Variants in DOCK8 observed in about 807,000 individuals in gnomAD.
DOCK8 encodes dedicator of cytokinesis protein 8.
In DOCK8, 141 loss-of-function variants were observed where a neutral mutation model predicts 245.6. The observed-to-expected ratio is 0.57, with a 90% CI of 0.50 to 0.66. The LOEUF is 0.66. Ranked by LOEUF, DOCK8 falls within the 30% of genes least tolerant of loss-of-function variation. The pLI, the probability that DOCK8 is intolerant of heterozygous loss-of-function variation, is 0.00. For missense variants in DOCK8, 2,965 were observed against 2,603.4 expected, an observed-to-expected ratio of 1.14 and a Z score of -3.02; for synonymous variants, 1,168 against 970.2, an observed-to-expected ratio of 1.20 and a Z score of -3.79.
chr9:249,431 C>A (rs1415558971), intron 1 of DOCK8, among the ~76,000 whole-genome samples: 1 of 152,130 alleles, frequency 6.6e-6, no homozygotes, highest in Non-Finnish European at 1.5e-5. Flanking sequence ...AATACATTTT[C>A]TTTCAAAAGT....
Position 271,620 on chromosome 9 carries a change from A to C in DOCK8, c.54-7A>C. The C allele has an allele frequency of 6.5e-7, 1 of 1,530,430 alleles. No individual in the cohort carries two copies. Among genetic ancestry groups the C allele is most frequent in the Non-Finnish European group, 8.9e-7 (1 of 1,128,124 alleles). 94.8% of individuals were successfully genotyped at this position (1,530,430 alleles called of 1,614,324 possible). ...ATTTCATTTAGATTTTTCTATTTTA[A>C]TCCAAGGTATTCTTCAGCGGAAATA... is the stretch of plus-strand genomic sequence containing the variant. On this transcript the variant is annotated splice_region_variant and splice_polypyrimidine_tract_variant and intron_variant, in intron 1 of 47. Coordinates refer to ENST00000432829, the MANE Select transcript of DOCK8 (RefSeq NM_203447.4).
intron 14 of DOCK8, among the ~76,000 whole-genome samples, chr9:358,436 T>C (rs906631675): frequency 1.3e-5 from 2 of 152,220 alleles, no homozygotes; most frequent in African/African-American, 4.8e-5. Flanking sequence ...ATAGAGGTTA[T>C]ATAACAAGGT....
Position 429,767 on chromosome 9 carries a change from C to A in DOCK8, c.4539C>A (p.His1513Gln), listed in dbSNP as rs147785575. The change falls in exon 36 of 48, where the codon CAC (histidine) becomes CAA (glutamine). Residue 1513 changes from histidine to glutamine, a missense_variant. His to Gln is a conservative substitution (Grantham distance 24). Around this residue, in one of 3 missense-constraint regions of DOCK8, gnomAD observed 2,825 missense variants for 2,453.5 expected, o/e 1.15. Transcript: ENST00000432829. The part of the protein sequence containing the change: ...QCFDLCHQVL[H>Q]HCSSSMDVTR... ...TCGACCTATGTCACCAAGTCCTGCA[C>A]CACTGCAGCAGCAGCATGGATGTCA... 6.2e-6 allele frequency: 10 copies of A among 1,614,082 alleles called. No individual in the cohort carries two copies. In the African/African-American group the frequency reaches 1.2e-4, roughly 19 times the overall value.
At chr9:426,768 T>G in intron 33 of DOCK8, 117 bp from the exon 34 acceptor site, 1 of 819,770 alleles carries the variant, frequency 1.2e-6, no homozygotes, top group Non-Finnish European at 2.1e-6. Flanking sequence ...TTGCTCTGTT[T>G]TCATTTCAAG....
upstream of DOCK8, among the ~76,000 whole-genome samples, chr9:212,283 AG>A (rs1349344202): frequency 6.6e-6 from 1 of 152,200 alleles, no homozygotes; most frequent in Non-Finnish European, 1.5e-5. Flanking sequence ...GGTAAGAAGA[AG>A]ATGTGGGGAA....
chr9:232,569 T>A (rs947314919), intron 1 of DOCK8, among the ~76,000 whole-genome samples: 2 of 152,220 alleles, frequency 1.3e-5, no homozygotes, highest in African/African-American at 4.8e-5. Context: ...TGCCTCAATT[T>A]CAGATCCTGT....
At chr9:305,505 C>T (rs183179997) in intron 5 of DOCK8, among the ~76,000 whole-genome samples, 2,153 of 152,156 alleles carry the variant, frequency 0.014, 55 homozygotes, top group African/African-American at 0.049. Context: ...CAGGATGGTC[C>T]TGATCTCCTG....
At chr9:254,669 G>A (rs545557277) in intron 1 of DOCK8, among the ~76,000 whole-genome samples, 1 of 152,282 alleles carries the variant, frequency 6.6e-6, no homozygotes, top group South Asian at 2.1e-4. Flanking sequence ...GAAAATTGCA[G>A]ATAGAACCAC....
intron 14 of DOCK8, chr9:365,917 C>G (rs560848417): frequency 6.9e-6 from 2 of 288,686 alleles, no homozygotes; most frequent in Non-Finnish European, 1.4e-5. Context: ...CACGTCCACT[C>G]CTGACAGCAT....
chr9:386,357 G>A lies in DOCK8; in HGVS notation c.2805G>A (p.Met935Ile), dbSNP rs748540409. The A allele has an allele frequency of 1.4e-5, 23 of 1,613,978 alleles. No homozygotes were observed. In the East Asian group the frequency reaches 4.9e-4, roughly 34 times the overall value. ...SKIADRNCSRMSYYCSGSSDA... is the reference protein window; with the variant it reads ...SKIADRNCSRISYYCSGSSDA... ...TCGCCGATCGCAACTGCAGCCGAAT[G>A]TCTTACTATTGCTCTGGCAGTAGTG... The change falls in exon 23 of 48, where the codon ATG becomes ATA. Residue 935 changes from methionine (M) to isoleucine (I), a missense_variant. Transcript: ENST00000432829.
chr9:354,867 A>G (rs971166925), intron 14 of DOCK8, among the ~76,000 whole-genome samples: 15 of 152,220 alleles, frequency 9.9e-5, no homozygotes, highest in African/African-American at 2.4e-4. Context: ...TTCACAGCCT[A>G]ATCTCAAGAG....
At chr9:260,609 A>G (rs912166159) in intron 1 of DOCK8, among the ~76,000 whole-genome samples, 16 of 152,238 alleles carry the variant, frequency 1.1e-4, no homozygotes, top group African/African-American at 3.9e-4. Flanking sequence ...TTATACATGT[A>G]TGAGTTCACA....
chr9:451,971 ATATATATTTTTTTTTTTTTTTT>A lies in DOCK8; in HGVS notation c.5962-38_5962-17del, dbSNP rs771454295. Reference sequence around the variant, plus strand: ...TGTGTGTGTGTATATATATATATATATATATATTTTTTTTTTTTTTTTTTTTTTTTTCCCACCAGGGACCACT... The same window carrying A: ...TGTGTGTGTGTATATATATATATATATTTTTTTTTCCCACCAGGGACCACT... On this transcript the variant is annotated intron_variant, in intron 45 of 47. Coordinates refer to ENST00000432829, the MANE Select transcript of DOCK8 (RefSeq NM_203447.4). 9.9e-4 allele frequency: 399 copies of A among 401,354 alleles called. 4 individuals are homozygous for A. In the African/African-American group the frequency reaches 0.015, roughly 15 times the overall value. 24.9% of individuals were successfully genotyped at this position (401,354 alleles called of 1,614,324 possible). A position where few individuals can be genotyped will look rare whatever the true frequency, so the allele number is the denominator to read the frequency against.
chr9:357,250 C>T (rs894175165), intron 14 of DOCK8, among the ~76,000 whole-genome samples: 11 of 152,144 alleles, frequency 7.2e-5, no homozygotes, highest in African/African-American at 2.7e-4. Flanking sequence ...AAAAGGTATT[C>T]TACAAATATC....
chr9:375,209 C>A (rs1234567388), intron 18 of DOCK8, among the ~76,000 whole-genome samples: 1 of 152,178 alleles, frequency 6.6e-6, no homozygotes, highest in Non-Finnish European at 1.5e-5. Flanking sequence ...AGGTCTCCAT[C>A]CCCTGTACAC....
At chr9:244,623 T>A (rs1368523181) in intron 1 of DOCK8, among the ~76,000 whole-genome samples, 1 of 152,224 alleles carries the variant, frequency 6.6e-6, no homozygotes, top group Non-Finnish European at 1.5e-5. Flanking sequence ...ATACAACACC[T>A]ATCATATCAT....
chr9:247,720 G>T (rs1388917538), intron 1 of DOCK8, among the ~76,000 whole-genome samples: 1 of 151,788 alleles, frequency 6.6e-6, no homozygotes, highest in African/African-American at 2.4e-5. Context: ...TTTTTTTTTA[G>T]TAGAGACGGG....
intron 1 of DOCK8, among the ~76,000 whole-genome samples, chr9:253,277 C>T (rs2047693699): frequency 6.6e-6 from 1 of 152,180 alleles, no homozygotes; most frequent in South Asian, 2.1e-4. Context: ...ACTGATCTTT[C>T]AATCGAACTA....
intron 7 of DOCK8, among the ~76,000 whole-genome samples, chr9:317,442 C>T (rs190136934): frequency 2.4e-4 from 37 of 152,206 alleles, no homozygotes; most frequent in African/African-American, 6.7e-4. Context: ...GTGCTGGAGT[C>T]GACTGTACTA....
Sources: allele counts gnomAD v4.1 joint callset (sites outside exome capture counted in the v4.1 genomes callset), GRCh38; gene constraint gnomAD v4.1.1; regional missense constraint gnomAD v4.1.1; transcripts MANE v1.5; gene names NCBI Gene and HGNC (gene_info 2026-07-23, HGNC 2026-07-21).